Variants in ARL15 observed in about 807,000 individuals in gnomAD.
The protein encoded by ARL15 is ARF like GTPase 15.
Under a neutral mutation model 25.2 loss-of-function variants are expected in ARL15, and 19 were observed. That is an observed-to-expected ratio of 0.75 (90% CI 0.53 to 1.10). ARL15 has a LOEUF of 1.10. Ranked by LOEUF, ARL15 falls within the 50% of genes least tolerant of loss-of-function variation. The pLI is 0.00. For synonymous variants in ARL15, 94 were observed against 86.8 expected (o/e 1.08, Z -0.46); for missense variants, 220 against 246.0 (o/e 0.89, Z 0.71).
intron 4 of ARL15, among the ~76,000 whole-genome samples, chr5:54,077,460 C>A (rs1751646540): frequency 6.6e-6 from 1 of 152,054 alleles, no homozygotes; most frequent in Admixed American, 6.6e-5. Flanking sequence ...AGACACTGAG[C>A]CATAAATGTA....
intron 1 of ARL15, among the ~76,000 whole-genome samples, chr5:54,269,809 CT>C (rs1309014511): frequency 1.3e-5 from 2 of 152,134 alleles, no homozygotes; most frequent in African/African-American, 4.8e-5. Flanking sequence ...CCACACCCAG[CT>C]AATTTTTTGT....
chr5:54,131,610 G>A (rs996661158), intron 3 of ARL15, among the ~76,000 whole-genome samples: 1 of 152,080 alleles, frequency 6.6e-6, no homozygotes, highest in Non-Finnish European at 1.5e-5. Context: ...TATGTAAAAT[G>A]TTTTTAGTTT....
At chr5:54,215,628 G>C (rs544774207) in intron 1 of ARL15, among the ~76,000 whole-genome samples, 70 of 143,386 alleles carry the variant, frequency 4.9e-4, no homozygotes, top group Non-Finnish European at 8.1e-4. Context: ...AGGGGGGAGG[G>C]GGGGAAAAAG....
At chr5:54,139,305 C>A (rs1444550541) in intron 3 of ARL15, among the ~76,000 whole-genome samples, 1 of 152,070 alleles carries the variant, frequency 6.6e-6, no homozygotes, top group East Asian at 1.9e-4. Context: ...AAATGTGGTA[C>A]ATACATACAT....
chr5:53,940,017 CG>C (rs1215341339), intron 4 of ARL15, among the ~76,000 whole-genome samples: 5 of 148,146 alleles, frequency 3.4e-5, no homozygotes, highest in African/African-American at 1.2e-4. Flanking sequence ...CTCGCTCTGT[CG>C]CCCAGGCTGG....
intron 4 of ARL15, among the ~76,000 whole-genome samples, chr5:54,034,932 G>A (rs889883721): frequency 6.6e-6 from 1 of 151,770 alleles, no homozygotes; most frequent in African/African-American, 2.4e-5. Flanking sequence ...GACTCCCAAA[G>A]TGCTGGGATT....
chr5:54,102,126 C>T (rs1752456570), intron 4 of ARL15, among the ~76,000 whole-genome samples: 1 of 151,568 alleles, frequency 6.6e-6, no homozygotes, highest in Non-Finnish European at 1.5e-5. Flanking sequence ...AATTCTCATG[C>T]CTCAGCCTTC....
intron 1 of ARL15, among the ~76,000 whole-genome samples, chr5:54,224,904 A>G (rs917400614): frequency 1.3e-5 from 2 of 152,172 alleles, no homozygotes; most frequent in Admixed American, 6.5e-5. Context: ...CTCAGGTGGG[A>G]ACTGAGAAAC....
chr5:54,149,783 A>G (rs1257429015), intron 3 of ARL15, among the ~76,000 whole-genome samples: 1 of 152,218 alleles, frequency 6.6e-6, no homozygotes, highest in Non-Finnish European at 1.5e-5. Context: ...GGTATCTTGT[A>G]CAATATCCAG....
intron 4 of ARL15, among the ~76,000 whole-genome samples, chr5:53,947,867 A>C (rs1170256008): frequency 6.6e-6 from 1 of 152,154 alleles, no homozygotes; most frequent in Non-Finnish European, 1.5e-5. Context: ...AAATGAAAGA[A>C]AGGGGGAGGG....
At chr5:53,987,475 CTT>C (rs35849750) in intron 4 of ARL15, among the ~76,000 whole-genome samples, 6,705 of 144,216 alleles carry the variant, frequency 0.046, 155 homozygotes, top group Middle Eastern at 0.1. Context: ...ACCCCTTTCA[CTT>C]TTTTTTTTTT....
At chr5:54,209,049 G>A (rs1326627220) in intron 1 of ARL15, among the ~76,000 whole-genome samples, 3 of 152,184 alleles carry the variant, frequency 2.0e-5, no homozygotes, top group African/African-American at 7.2e-5. Context: ...AGAGAAAGTA[G>A]AGTTTAATAA....
intron 1 of ARL15, among the ~76,000 whole-genome samples, chr5:54,213,578 G>A (rs1756102455): frequency 6.6e-6 from 1 of 152,156 alleles, no homozygotes; most frequent in Non-Finnish European, 1.5e-5. Context: ...GAGGAAAACA[G>A]GAATAAAGAA....
At chr5:53,904,822 G>A (rs1444891128) in intron 4 of ARL15, among the ~76,000 whole-genome samples, 2 of 142,322 alleles carry the variant, frequency 1.4e-5, no homozygotes, top group Non-Finnish European at 3.0e-5. Flanking sequence ...TCTGCCTCCC[G>A]GGTTCAAGCA....
rs774701068 is a variant in ARL15 at position 53,886,677 on chromosome 5, C to T, written c.499G>A (p.Gly167Arg). ...CAGGGCTGTAGAATCCAGCGTTTTC[C>T]ACGTGCAAGTGGTTCAAGTTCAAAA... ...KYFELEPLAR[G>R]KRWILQPCSL... The change falls in exon 5 of 5, where the codon GGA becomes AGA. Residue 167 changes from glycine to arginine, a missense_variant. Gly to Arg is a moderately radical substitution (Grantham distance 125). Coordinates refer to ENST00000504924, the MANE Select transcript of ARL15 (RefSeq NM_019087.3). The T allele has an allele frequency of 1.9e-6, 3 of 1,573,504 alleles. No individual in the cohort carries two copies. The highest frequency in any genetic ancestry group is 1.8e-5 in the Admixed American group (1 of 54,406).
At chr5:53,982,172 CT>C (rs5867907) in intron 4 of ARL15, among the ~76,000 whole-genome samples, 53,011 of 145,022 alleles carry the variant, frequency 0.37, 10,135 homozygotes, top group Admixed American at 0.44. Flanking sequence ...TTTAAACATT[CT>C]TTTTTTTTTT....
Position 54,269,814 on chromosome 5 carries a change from T to G in ARL15, c.48+40618A>C, listed in dbSNP as rs568180597. 2.6e-3 allele frequency among the ~76,000 whole-genome samples: 396 copies of G among 152,100 alleles called. 3 individuals carry two copies. The highest frequency in any genetic ancestry group is 8.3e-3 in the South Asian group (40 of 4,816). On this transcript the variant is annotated intron_variant, in intron 1 of 4. Transcript: ENST00000504924. ...ATGCCTGCCACCACACCCAGCTAATTTTTTGTATTTTTAATAGAGACAGGG... is the reference window on the plus strand; with the variant it reads ...ATGCCTGCCACCACACCCAGCTAATGTTTTGTATTTTTAATAGAGACAGGG...
chr5:54,131,244 TTGA>T (rs1753422300), intron 3 of ARL15, among the ~76,000 whole-genome samples: 1 of 152,236 alleles, frequency 6.6e-6, no homozygotes, highest in African/African-American at 2.4e-5. Flanking sequence ...TTCAAGGCTC[TTGA>T]TGATTTGACC....
intron 1 of ARL15, among the ~76,000 whole-genome samples, chr5:54,177,250 A>G (rs192951343): frequency 6.6e-6 from 1 of 152,354 alleles, no homozygotes. Context: ...ATTTGAGGAA[A>G]TGGTGTGCCT....
Sources: allele counts gnomAD v4.1 joint callset (sites outside exome capture counted in the v4.1 genomes callset), GRCh38; gene constraint gnomAD v4.1.1; transcripts MANE v1.5; gene names NCBI Gene and HGNC (gene_info 2026-07-23, HGNC 2026-07-21).